The following NPAS3 variants were observed in gnomAD, a reference collection of about 807,000 sequenced individuals.
NPAS3 encodes the protein neuronal PAS domain-containing protein 3.
A neutral mutation model predicts 73.1 loss-of-function variants in NPAS3; 14 were observed. The ratio of observed to expected loss-of-function variants is 0.19; its 90% CI spans 0.13 to 0.30. The LOEUF is 0.30. Ranked by LOEUF, NPAS3 falls within the 10% of genes least tolerant of loss-of-function variation. The pLI is 1.00. For missense variants in NPAS3, 1,096 were observed against 1,250.0 expected (o/e 0.88, Z 1.86); for synonymous variants, 620 against 541.5 (o/e 1.14, Z -2.01).
Position 33,702,778 on chromosome 14 carries a change from A to G in NPAS3, c.733+26393A>G, listed in dbSNP as rs2060556276. Among the ~76,000 whole-genome samples, 2 of 152,176 alleles carry G rather than the reference A, an allele frequency of 1.3e-5. 1 individual carries two copies. The highest frequency in any genetic ancestry group is 6.3e-3 in the Middle Eastern group (2 of 316). ...ACATTAGACAAGGAGTGAGAATAGAATCAGCTCCCTGAATGGCAAACTTGT... is the reference window on the plus strand; with the variant it reads ...ACATTAGACAAGGAGTGAGAATAGAGTCAGCTCCCTGAATGGCAAACTTGT... On this transcript the variant is annotated intron_variant, in intron 6 of 11. Transcript: ENST00000356141.
intron 3 of NPAS3, among the ~76,000 whole-genome samples, chr14:33,251,151 G>A (rs1355597342): frequency 6.6e-6 from 1 of 152,068 alleles, no homozygotes; most frequent in Non-Finnish European, 1.5e-5. Context: ...CCTTTTGTCA[G>A]TAAACACAAA....
Position 33,040,850 on chromosome 14 carries a change from C to T in NPAS3, c.51-15055C>T, listed in dbSNP as rs142251574. On this transcript the variant is annotated intron_variant, in intron 1 of 11. Transcript: ENST00000356141. ...TTAAAACACTAATAATAACCCTTCA[C>T]ATTTGCATAGAACTTGCATTTCACA... Among the ~76,000 whole-genome samples the T allele has an allele frequency of 2.6e-5, 4 of 152,290 alleles. No homozygotes were observed. The East Asian group carries it at 7.7e-4, about 29-fold the overall frequency.
At chr14:33,059,241 A>G (rs2041001764) in intron 2 of NPAS3, among the ~76,000 whole-genome samples, 1 of 152,204 alleles carries the variant, frequency 6.6e-6, no homozygotes, top group East Asian at 1.9e-4. Flanking sequence ...ATTTAAAGAC[A>G]TTATTTTCTA....
chr14:32,969,523 G>T (rs1162668039), intron 1 of NPAS3, among the ~76,000 whole-genome samples: 8 of 152,164 alleles, frequency 5.3e-5, no homozygotes, highest in Admixed American at 5.2e-4. Context: ...AAAAAGGTCT[G>T]GACCAAATCC....
intron 5 of NPAS3, among the ~76,000 whole-genome samples, chr14:33,664,082 C>G (rs891306545): frequency 4.0e-5 from 6 of 151,718 alleles, no homozygotes; most frequent in Non-Finnish European, 7.4e-5. Context: ...GCAAAAAGAA[C>G]AAAGCTGGAG....
intron 4 of NPAS3, among the ~76,000 whole-genome samples, chr14:33,395,575 C>T (rs1427208996): frequency 6.6e-6 from 1 of 151,916 alleles, no homozygotes; most frequent in Non-Finnish European, 1.5e-5. Context: ...TGTATACATA[C>T]ATACATGTAT....
intron 5 of NPAS3, among the ~76,000 whole-genome samples, chr14:33,626,802 A>C (rs1177344182): frequency 6.6e-6 from 1 of 152,198 alleles, no homozygotes; most frequent in Non-Finnish European, 1.5e-5. Context: ...GTTTTGTAGT[A>C]TTTTAGGTTA....
chr14:32,942,080 G>T (rs1456727790), intron 1 of NPAS3, among the ~76,000 whole-genome samples: 1 of 152,118 alleles, frequency 6.6e-6, no homozygotes, highest in African/African-American at 2.4e-5. Context: ...TGGTTAACAA[G>T]TATTTCCTTG....
chr14:33,801,141 C>T, downstream of NPAS3: 1 of 1,545,938 alleles, frequency 6.5e-7, no homozygotes, highest in Non-Finnish European at 8.7e-7. Flanking sequence ...GGCCAGGCCC[C>T]GCTTGGAGGA....
intron 1 of NPAS3, among the ~76,000 whole-genome samples, chr14:32,973,388 C>A (rs2037518053): frequency 2.0e-5 from 3 of 152,114 alleles, no homozygotes. Context: ...TGGGGCTGAT[C>A]AGACACCTAA....
chr14:33,372,955 C>T (rs1594788229), intron 4 of NPAS3, among the ~76,000 whole-genome samples: 1 of 152,128 alleles, frequency 6.6e-6, no homozygotes, highest in East Asian at 1.9e-4. Context: ...TATATTGTTC[C>T]CACTTCATGA....
At chr14:33,615,307 A>G in intron 5 of NPAS3, among the ~76,000 whole-genome samples, 1 of 152,134 alleles carries the variant, frequency 6.6e-6, no homozygotes, top group Non-Finnish European at 1.5e-5. Flanking sequence ...ACCAAGTTCA[A>G]TTTGGCTGCA....
intron 4 of NPAS3, among the ~76,000 whole-genome samples, chr14:33,449,112 T>C (rs1403451398): frequency 1.3e-5 from 2 of 152,116 alleles, no homozygotes; most frequent in Non-Finnish European, 2.9e-5. Context: ...AGAGGTGACA[T>C]TGTCTGCTGT....
intron 2 of NPAS3, among the ~76,000 whole-genome samples, chr14:33,141,235 C>T (rs968464125): frequency 7.2e-5 from 11 of 152,158 alleles, no homozygotes; most frequent in Non-Finnish European, 1.3e-4. Flanking sequence ...TTGATGTTTT[C>T]GGCTAATGTA....
At chr14:33,041,550 T>C (rs1235394553) in intron 1 of NPAS3, among the ~76,000 whole-genome samples, 1 of 152,116 alleles carries the variant, frequency 6.6e-6, no homozygotes, top group African/African-American at 2.4e-5. Context: ...TTAAAAATGG[T>C]GAGGTACCTG....
At chr14:33,596,651 C>T (rs1367067864) in intron 5 of NPAS3, among the ~76,000 whole-genome samples, 1 of 152,226 alleles carries the variant, frequency 6.6e-6, no homozygotes, top group Non-Finnish European at 1.5e-5. Flanking sequence ...CTGTCAACAT[C>T]TTGAGTCCAA....
chr14:33,125,218 A>G (rs1057444028), intron 2 of NPAS3, among the ~76,000 whole-genome samples: 8 of 152,114 alleles, frequency 5.3e-5, no homozygotes, highest in African/African-American at 1.9e-4. Flanking sequence ...GGATTAATGA[A>G]GGAATTAAGT....
intron 7 of NPAS3, among the ~76,000 whole-genome samples, chr14:33,746,195 A>T (rs994568470): frequency 2.0e-4 from 29 of 146,560 alleles, no homozygotes; most frequent in African/African-American, 5.9e-4. Flanking sequence ...TTATTTATTT[A>T]TTTATTTTTT....
At chr14:33,003,267 G>A (rs1316054054) in intron 1 of NPAS3, among the ~76,000 whole-genome samples, 1 of 151,680 alleles carries the variant, frequency 6.6e-6, no homozygotes, top group Non-Finnish European at 1.5e-5. Flanking sequence ...CATAGTAACA[G>A]CTTCTTTTGC....
Sources: gnomAD v4.1 joint callset for allele counts (sites outside exome capture counted in the v4.1 genomes callset) on GRCh38, gnomAD v4.1.1 for gene constraint, MANE v1.5 for transcripts, NCBI Gene and HGNC (gene_info 2026-07-23, HGNC 2026-07-21) for gene names.